Variants in DSG2 observed in about 807,000 individuals in gnomAD.
DSG2 encodes desmoglein 2.
In DSG2, 45 loss-of-function variants were observed where a neutral mutation model predicts 75.6. That is an observed-to-expected ratio of 0.60 (90% CI 0.47 to 0.76). DSG2 has a LOEUF of 0.76. DSG2 is among the 30% of genes least tolerant of loss of function. The pLI is 0.00. For missense variants in DSG2, 1,267 were observed against 1,357.4 expected (o/e 0.93, Z 1.05); for synonymous variants, 429 against 483.9 (o/e 0.89, Z 1.49).
chr18:31,504,439 A>G (rs2073028816), intron 1 of DSG2, among the ~76,000 whole-genome samples: 1 of 152,176 alleles, frequency 6.6e-6, no homozygotes, highest in African/African-American at 2.4e-5. Context: ...ACCATTAATC[A>G]TATCATTTCT....
At chr18:31,521,737 C>T (rs1163360005) in intron 5 of DSG2, among the ~76,000 whole-genome samples, 2 of 152,150 alleles carry the variant, frequency 1.3e-5, no homozygotes, top group East Asian at 1.9e-4. Flanking sequence ...GGAATAGTTA[C>T]GCTTCTCCTG....
chr18:31,528,394 T>C (rs949027887), intron 8 of DSG2, among the ~76,000 whole-genome samples: 1 of 152,116 alleles, frequency 6.6e-6, no homozygotes, highest in African/African-American at 2.4e-5. Context: ...TGATACAAGC[T>C]ACAACACGGA....
At chr18:31,524,647 A>G in intron 7 of DSG2, 56 bp from the exon 8 acceptor site, 8 of 1,604,678 alleles carry the variant, frequency 5.0e-6, no homozygotes, top group Non-Finnish European at 6.0e-6. Context: ...AATTAAAAAT[A>G]TATCACTTAT....
Position 31,530,996 on chromosome 18 carries a change from T to G in DSG2, c.1024T>G (p.Tyr342Asp), listed in dbSNP as rs2073193772. ...TGGTTTTCCCTTTCAGGAAGTAGAT[T>G]ATGAAGAAATGAAGAATCTTGACTT... The part of the protein sequence containing the change: ...GIVTLIKEVD[Y>D]EEMKNLDFSV... Residue 342 changes from tyrosine to aspartate, a missense_variant, in exon 9 of 15, where the codon TAT becomes GAT. Tyr to Asp is a radical substitution (Grantham distance 160, BLOSUM62 -3). Coordinates refer to ENST00000261590, the MANE Select transcript of DSG2 (RefSeq NM_001943.5). The G allele has an allele frequency of 6.2e-7, 1 of 1,613,998 alleles. No individual in the cohort carries two copies. Among genetic ancestry groups the G allele is most frequent in the Non-Finnish European group, 8.5e-7 (1 of 1,179,972 alleles).
rs965416925 is a variant in DSG2 at position 31,547,811 on chromosome 18, T to C, written c.*1068T>C. On this transcript the variant is annotated 3_prime_UTR_variant, in exon 15 of 15. Transcript: ENST00000261590. ...TATAAGTATAAAATAATTTTACTTC[T>C]TATAGTAATAGTATACTTTAAAAAG... is the stretch of plus-strand genomic sequence containing the variant. The C allele has an allele frequency of 6.6e-6, 1 of 152,236 alleles. No homozygotes were observed. The highest frequency in any genetic ancestry group is 1.5e-5 in the Non-Finnish European group (1 of 68,038). The allele number at this position is 152,236 out of a possible 1,614,324, so 9.4% of individuals were successfully genotyped here. A position where few individuals can be genotyped will look rare whatever the true frequency, so the allele number is the denominator to read the frequency against.
At chr18:31,500,036 TAAAA>T (rs10625787) in intron 1 of DSG2, among the ~76,000 whole-genome samples, 10 of 110,996 alleles carry the variant, frequency 9.0e-5, no homozygotes, top group African/African-American at 1.6e-4. Context: ...AGTTTTTTGG[TAAAA>T]AAAAAAAAAA....
At chr18:31,501,105 C>T (rs995714768) in intron 1 of DSG2, among the ~76,000 whole-genome samples, 26 of 152,096 alleles carry the variant, frequency 1.7e-4, no homozygotes, top group African/African-American at 5.3e-4. Flanking sequence ...TAATAAAATA[C>T]ATGATACTGC....
At chr18:31,539,605 G>A (rs1054741860) in intron 12 of DSG2, among the ~76,000 whole-genome samples, 7 of 152,164 alleles carry the variant, frequency 4.6e-5, no homozygotes, top group African/African-American at 7.2e-5. Context: ...AAAGAACAAG[G>A]GACTGCATCC....
At position 31,521,162 on chromosome 18, in the gene DSG2, A is replaced by C; in HGVS notation, c.442A>C (p.Lys148Gln). The part of the protein sequence containing the change: ...NVEKPLELRI[K>Q]VLDINDNEPV... ...AGAGAAACCCTTAGAGCTACGCATT[A>C]AGGTTCTTGATATCAATGACAACGA... Residue 148 changes from lysine (K) to glutamine (Q), a missense_variant, in exon 5 of 15, where the codon AAG becomes CAG. By Grantham distance (53) the Lys-to-Gln change is moderately conservative (BLOSUM62 1). Coordinates refer to ENST00000261590, the MANE Select transcript of DSG2 (RefSeq NM_001943.5). The C allele has an allele frequency of 1.9e-6, 3 of 1,613,990 alleles. No individual in the cohort carries two copies. Among genetic ancestry groups the C allele is most frequent in the Non-Finnish European group, 2.5e-6 (3 of 1,179,934 alleles).
intron 1 of DSG2, among the ~76,000 whole-genome samples, chr18:31,499,706 A>G (rs906106765): frequency 8.5e-5 from 13 of 152,212 alleles, no homozygotes; most frequent in African/African-American, 2.9e-4. Context: ...TGAGAGTTAC[A>G]TATTCTTTCC....
At chr18:31,516,062 C>A (rs1036818018) in intron 1 of DSG2, among the ~76,000 whole-genome samples, 5 of 151,368 alleles carry the variant, frequency 3.3e-5, no homozygotes, top group African/African-American at 1.2e-4. Context: ...TACATATAGA[C>A]AATAATTTCA....
At chr18:31,524,078 T>C (rs2073145547) in intron 6 of DSG2, among the ~76,000 whole-genome samples, 1 of 152,210 alleles carries the variant, frequency 6.6e-6, no homozygotes, top group Non-Finnish European at 1.5e-5. Flanking sequence ...ACCAAGTTTA[T>C]TTAGGACCAG....
chr18:31,529,072 G>A (rs2073179203), intron 8 of DSG2, among the ~76,000 whole-genome samples: 1 of 152,126 alleles, frequency 6.6e-6, no homozygotes, highest in Non-Finnish European at 1.5e-5. Flanking sequence ...TATGGAAATA[G>A]AGATAGTAAA....
intron 1 of DSG2, among the ~76,000 whole-genome samples, chr18:31,505,868 G>T (rs1195029267): frequency 6.6e-6 from 1 of 152,040 alleles, no homozygotes; most frequent in East Asian, 1.9e-4. Context: ...CACCATGTTG[G>T]CCAGAATGGT....
At chr18:31,520,681 A>G (rs1424646154) in intron 3 of DSG2, 122 bp from the exon 4 acceptor site, 6 of 1,063,936 alleles carry the variant, frequency 5.6e-6, no homozygotes, top group African/African-American at 1.6e-5. Context: ...TCAGAAGGAA[A>G]TTGTCCATAA....
intron 1 of DSG2, among the ~76,000 whole-genome samples, chr18:31,506,200 CCTGT>C (rs1334937526): frequency 6.6e-6 from 1 of 152,118 alleles, no homozygotes; most frequent in African/African-American, 2.4e-5. Context: ...GCACCAAATG[CCTGT>C]CTGTCAACCC....
At chr18:31,541,976 A>T (rs1436590208) in intron 13 of DSG2, among the ~76,000 whole-genome samples, 2 of 151,456 alleles carry the variant, frequency 1.3e-5, no homozygotes, top group East Asian at 1.9e-4. Flanking sequence ...CACTGTCCTC[A>T]TGTCCTAGTT....
Position 31,542,787 on chromosome 18 carries a change from A to T in DSG2, c.2269A>T (p.Met757Leu), listed in dbSNP as rs750010743. The stretch of plus-strand genomic sequence containing the variant: ...AAGGGCCACAGGGGCTTCCAGAGAC[A>T]TGGCCGGAGCTCAGGCAGCTGCTGT... ...TARATGASRDMAGAQAAAVAL... is the reference protein window; with the variant it reads ...TARATGASRDLAGAQAAAVAL... The change falls in exon 14 of 15, where the codon ATG (methionine) becomes TTG (leucine). Residue 757 changes from methionine to leucine, a missense_variant. Coordinates refer to ENST00000261590, the MANE Select transcript of DSG2 (RefSeq NM_001943.5). 11 of 1,551,596 alleles carry T rather than the reference A, an allele frequency of 7.1e-6. No individual in the cohort carries two copies. The highest frequency in any genetic ancestry group is 1.7e-4 in the Middle Eastern group (1 of 5,746).
chr18:31,545,145 C>T (rs2073296167), intron 14 of DSG2, among the ~76,000 whole-genome samples: 1 of 152,162 alleles, frequency 6.6e-6, no homozygotes, highest in Admixed American at 6.5e-5. Context: ...CCACTCTAAT[C>T]CTGCTCCAGT....
Sources: gnomAD v4.1 joint callset for allele counts (sites outside exome capture counted in the v4.1 genomes callset) on GRCh38, gnomAD v4.1.1 for gene constraint, MANE v1.5 for transcripts, NCBI Gene and HGNC (gene_info 2026-07-23, HGNC 2026-07-21) for gene names.